Variants in C6orf132 observed in about 807,000 individuals in gnomAD.
The protein encoded by C6orf132 is uncharacterized protein C6orf132.
In C6orf132, 43 loss-of-function variants were observed where a neutral mutation model predicts 65.3. That is an observed-to-expected ratio of 0.66 (90% CI 0.52 to 0.85). The LOEUF (loss-of-function observed/expected upper bound fraction) is 0.85, where lower values mean the gene tolerates loss of function less well. Ranked by LOEUF, C6orf132 falls within the 40% of genes least tolerant of loss-of-function variation. The pLI, the probability that C6orf132 is intolerant of heterozygous loss-of-function variation, is 0.00. For missense variants in C6orf132, 1,488 were observed against 1,548.8 expected (o/e 0.96, Z 0.66); for synonymous variants, 631 against 654.1 (o/e 0.96, Z 0.54).
chr6:42,106,573 G>C lies in C6orf132; in HGVS notation c.1339C>G (p.Pro447Ala). 4 of 1,534,690 alleles carry C rather than the reference G, an allele frequency of 2.6e-6. No individual in the cohort carries two copies. The highest frequency in any genetic ancestry group is 3.5e-6 in the Non-Finnish European group (4 of 1,145,312). Residue 447 changes from proline (P) to alanine (A), a missense_variant, in exon 4 of 5, where the codon CCC (proline) becomes GCC (alanine). Coordinates refer to ENST00000341865, the MANE Select transcript of C6orf132 (RefSeq NM_001164446.3). ...SSPALKPKPN[P>A]PSPENTASSA... ...GACGCTGTGTTCTCTGGGCTGGGGG[G>C]GTTGGGTTTGGGTTTGAGAGCAGGA...
intron 2 of C6orf132, among the ~76,000 whole-genome samples, chr6:42,119,285 C>T (rs1420988149): frequency 7.0e-6 from 1 of 143,636 alleles, no homozygotes; most frequent in African/African-American, 2.6e-5. Flanking sequence ...AGGGAGAATT[C>T]CTGGCCTCCC....
chr6:42,106,131 C>G lies in C6orf132; in HGVS notation c.1781G>C (p.Arg594Pro). Residue 594 changes from arginine (R) to proline (P), a missense_variant, in exon 4 of 5, where the codon CGG (arginine) becomes CCG (proline). By Grantham distance (103) the Arg-to-Pro change is moderately radical. Coordinates refer to ENST00000341865, the MANE Select transcript of C6orf132 (RefSeq NM_001164446.3). The stretch of plus-strand genomic sequence containing the variant: ...TTCACAAATTCTTCCCCCTTCTAGC[C>G]GAGGCTTAGGGGGCAGAGATCCTAT... ...PSIGSLPPKP[R>P]LEGGRICENG... 1 of 1,537,218 alleles carries G rather than the reference C, an allele frequency of 6.5e-7. No homozygotes were observed. The highest frequency in any genetic ancestry group is 8.7e-7 in the Non-Finnish European group (1 of 1,146,900).
chr6:42,112,588 A>G (rs536953535), intron 2 of C6orf132, among the ~76,000 whole-genome samples: 1 of 152,332 alleles, frequency 6.6e-6, no homozygotes, highest in South Asian at 2.1e-4. Flanking sequence ...CTTGGGAGCC[A>G]TCCCCTGTCC....
At position 42,104,255 on chromosome 6, in the gene C6orf132, T is replaced by G. The variant is rs560882449; in HGVS notation, c.3449+208A>C. 2.6e-5 allele frequency among the ~76,000 whole-genome samples: 4 copies of G among 152,054 alleles called. No homozygotes were observed. In the South Asian group the frequency reaches 6.2e-4, roughly 24 times the overall value. ...GAGAGAGACAGACGAGAGGAGCTGG[T>G]GGGGAAAGAGAAGGGAGGTCAGGAG... On this transcript the variant is annotated intron_variant, in intron 4 of 4. Transcript: ENST00000341865. The surrounding 1 kb of genome is among the most constrained non-coding windows in gnomAD (Gnocchi z 4.1).
At position 42,128,509 on chromosome 6, in the gene C6orf132, G is replaced by A. The variant is rs73432052; in HGVS notation, c.252+163C>T. Among the ~76,000 whole-genome samples the A allele has an allele frequency of 5.0e-3, 754 of 152,222 alleles. 9 individuals carry two copies. The highest frequency in any genetic ancestry group is 0.017 in the African/African-American group (723 of 41,534). On this transcript the variant is annotated intron_variant, in intron 2 of 4. Coordinates refer to ENST00000341865, the MANE Select transcript of C6orf132 (RefSeq NM_001164446.3). ...TTCCTAATCCTAGACTTCCTACCAT[G>A]AGCCTCGACCATGCCTCCTTCCAGT...
intron 1 of C6orf132, 111 bp downstream of exon 1, chr6:42,142,189 C>G (rs1767045817): frequency 7.9e-7 from 1 of 1,269,544 alleles, no homozygotes; most frequent in Non-Finnish European, 1.1e-6. Flanking sequence ...TCGGCCAGTC[C>G]GCAGGTTCCA....
intron 1 of C6orf132, among the ~76,000 whole-genome samples, chr6:42,137,812 GGGGCGGGGGC>G (rs1766967536): frequency 7.4e-6 from 1 of 135,188 alleles, no homozygotes; most frequent in Non-Finnish European, 1.6e-5. Flanking sequence ...GGCCGAGGCA[GGGGCGGGGGC>G]GGGGCGGGGC....
chr6:42,130,790 G>T (rs556734013), intron 1 of C6orf132, among the ~76,000 whole-genome samples: 2 of 148,642 alleles, frequency 1.3e-5, no homozygotes, highest in Admixed American at 6.7e-5. Context: ...TATTTTTTTT[G>T]AGATGGAGTC....
intron 1 of C6orf132, among the ~76,000 whole-genome samples, chr6:42,139,997 A>T (rs886300290): frequency 1.3e-5 from 2 of 152,204 alleles, no homozygotes; most frequent in African/African-American, 4.8e-5. Context: ...CCCATCACAG[A>T]ATCCCCAACA....
chr6:42,123,675 G>A (rs892536180), intron 2 of C6orf132, among the ~76,000 whole-genome samples: 5 of 152,148 alleles, frequency 3.3e-5, no homozygotes, highest in Admixed American at 3.3e-4. Flanking sequence ...GAAGGAGGGA[G>A]AAAGGATCAC....
intron 1 of C6orf132, among the ~76,000 whole-genome samples, chr6:42,134,215 T>C (rs1342926498): frequency 6.6e-6 from 1 of 152,192 alleles, no homozygotes; most frequent in African/African-American, 2.4e-5. Context: ...CAGTTCCGGC[T>C]CCAACACTTA....
intron 2 of C6orf132, among the ~76,000 whole-genome samples, chr6:42,121,381 G>A (rs189000374): frequency 6.0e-4 from 91 of 152,352 alleles, no homozygotes; most frequent in Non-Finnish European, 9.3e-4. Flanking sequence ...GAAAGGGAGG[G>A]AAGAAGGCAG....
intron 3 of C6orf132, 128 bp from the exon 4 acceptor site, chr6:42,107,711 C>T: frequency 8.6e-7 from 1 of 1,156,870 alleles, no homozygotes. Flanking sequence ...CTCCTGAACA[C>T]CAAGAGAGGG....
intron 2 of C6orf132, among the ~76,000 whole-genome samples, chr6:42,127,816 G>A (rs557678879): frequency 6.6e-6 from 1 of 152,198 alleles, no homozygotes; most frequent in South Asian, 2.1e-4. Flanking sequence ...TGTCAGAAGC[G>A]GGATGTGCTA....
intron 2 of C6orf132, among the ~76,000 whole-genome samples, chr6:42,111,345 A>G (rs1677951741): frequency 7.1e-6 from 1 of 140,618 alleles, no homozygotes; most frequent in South Asian, 2.2e-4. Context: ...TAATGGCATG[A>G]TCTCTGCTCA....
At chr6:42,130,215 C>A (rs1301341309) in intron 1 of C6orf132, among the ~76,000 whole-genome samples, 1 of 152,232 alleles carries the variant, frequency 6.6e-6, no homozygotes, top group Non-Finnish European at 1.5e-5. Flanking sequence ...CTCCAGTTCC[C>A]AGCACTGCCC....
intron 1 of C6orf132, among the ~76,000 whole-genome samples, chr6:42,132,992 A>C (rs968642366): frequency 6.6e-6 from 1 of 152,276 alleles, no homozygotes; most frequent in East Asian, 1.9e-4. Context: ...GCGTGTGTCT[A>C]TCTCCATCAG....
intron 2 of C6orf132, among the ~76,000 whole-genome samples, chr6:42,123,765 G>A (rs138609949): frequency 3.3e-5 from 5 of 152,138 alleles, no homozygotes; most frequent in Non-Finnish European, 4.4e-5. Context: ...TGCTTCTATC[G>A]AGCCCAGTGG....
chr6:42,109,513 G>A (rs1208831355), intron 3 of C6orf132, among the ~76,000 whole-genome samples: 1 of 152,182 alleles, frequency 6.6e-6, no homozygotes, highest in Non-Finnish European at 1.5e-5. Flanking sequence ...AGGGAGGAGT[G>A]AGGGAGACGG....
Sources: gnomAD v4.1 joint callset for allele counts (sites outside exome capture counted in the v4.1 genomes callset) on GRCh38, gnomAD v4.1.1 for gene constraint, Gnocchi (gnomAD v3.1) non-coding constraint, MANE v1.5 for transcripts, NCBI Gene and HGNC (gene_info 2026-07-23, HGNC 2026-07-21) for gene names.